SNTG1: variants seen among roughly 807,000 people sequenced by gnomAD.
SNTG1 encodes syntrophin gamma 1.
In SNTG1, 39 loss-of-function variants were observed where a neutral mutation model predicts 74.7. The observed-to-expected ratio is 0.52, with a 90% confidence interval of 0.40 to 0.68. SNTG1 has a LOEUF of 0.68. SNTG1 is among the 30% of genes least tolerant of loss of function. The pLI, the probability that SNTG1 is intolerant of heterozygous loss-of-function variation, is 0.00. For missense variants in SNTG1, 685 were observed against 609.5 expected (o/e 1.12, Z -1.30); for synonymous variants, 254 against 217.1 (o/e 1.17, Z -1.49).
At chr8:50,063,180 G>A (rs1353902627) in intron 1 of SNTG1, among the ~76,000 whole-genome samples, 1 of 152,184 alleles carries the variant, frequency 6.6e-6, no homozygotes, top group African/African-American at 2.4e-5. Flanking sequence ...CGTAATCTCA[G>A]ATATCCAATT....
chr8:50,189,706 T>G (rs2083498579), intron 2 of SNTG1, among the ~76,000 whole-genome samples: 1 of 152,202 alleles, frequency 6.6e-6, no homozygotes, highest in Admixed American at 6.5e-5. Flanking sequence ...GTCTAGGTGC[T>G]GCATGGCATT....
At chr8:49,941,531 T>TTA (rs34245758) in intron 1 of SNTG1, among the ~76,000 whole-genome samples, 2,132 of 146,930 alleles carry the variant, frequency 0.015, 35 homozygotes, top group East Asian at 0.042. Context: ...ACATTAACTT[T>TTA]TATATATATA....
At chr8:50,230,088 A>G (rs1240593147) in intron 2 of SNTG1, among the ~76,000 whole-genome samples, 1 of 151,526 alleles carries the variant, frequency 6.6e-6, no homozygotes, top group Non-Finnish European at 1.5e-5. Context: ...TGCAATGTCT[A>G]GAGGGTGATT....
chr8:50,209,775 C>A (rs963347487), intron 2 of SNTG1, among the ~76,000 whole-genome samples: 1 of 152,188 alleles, frequency 6.6e-6, no homozygotes, highest in South Asian at 2.1e-4. Context: ...GGGGAGAAAC[C>A]AGAGCAGAGA....
intron 1 of SNTG1, among the ~76,000 whole-genome samples, chr8:50,143,862 A>G (rs78395260): frequency 0.017 from 2,558 of 152,286 alleles, 66 homozygotes; most frequent in African/African-American, 0.052. Flanking sequence ...ATACAGCTAC[A>G]CTCTGCTGCT....
intron 2 of SNTG1, among the ~76,000 whole-genome samples, chr8:50,214,511 CTGGAT>C (rs1220493624): frequency 6.6e-6 from 1 of 151,996 alleles, no homozygotes; most frequent in Non-Finnish European, 1.5e-5. Flanking sequence ...CCACTTTGGA[CTGGAT>C]GATACAACAG....
rs539223085 is a variant in SNTG1 at position 50,557,826 on chromosome 8, T to G, written c.810+4647T>G. Among the ~76,000 whole-genome samples the G allele has an allele frequency of 9.8e-5, 15 of 152,326 alleles. No homozygotes were observed. In the South Asian group the frequency reaches 2.9e-3, roughly 29 times the overall value. ...GAACAACATGATTAGATTTAGACAG[T>G]TCTGTCTGATTTTTGTGCAATGTCT... On this transcript the variant is annotated intron_variant, in intron 12 of 18. Coordinates refer to ENST00000642720, the MANE Select transcript of SNTG1 (RefSeq NM_018967.5).
chr8:50,282,965 A>G (rs972818488), intron 2 of SNTG1, among the ~76,000 whole-genome samples: 1 of 152,204 alleles, frequency 6.6e-6, no homozygotes, highest in Non-Finnish European at 1.5e-5. Context: ...AGTATTCACT[A>G]AGAGTTTCTA....
At chr8:49,945,041 A>AT (rs1456462929) in intron 1 of SNTG1, among the ~76,000 whole-genome samples, 2 of 152,132 alleles carry the variant, frequency 1.3e-5, no homozygotes. Context: ...CTAACTACTG[A>AT]TTTTTTAATG....
intron 2 of SNTG1, among the ~76,000 whole-genome samples, chr8:50,214,136 T>C (rs1333387988): frequency 6.6e-6 from 1 of 151,402 alleles, no homozygotes. Flanking sequence ...GAAATCATCA[T>C]TCTCAGTAAA....
intron 9 of SNTG1, among the ~76,000 whole-genome samples, chr8:50,504,829 G>T (rs2093992982): frequency 6.6e-6 from 1 of 152,070 alleles, no homozygotes; most frequent in Non-Finnish European, 1.5e-5. Context: ...AAGTGAGCAT[G>T]TTATTTATTG....
intron 18 of SNTG1, among the ~76,000 whole-genome samples, chr8:50,782,778 G>T (rs992081635): frequency 1.3e-5 from 2 of 152,126 alleles, no homozygotes; most frequent in African/African-American, 2.4e-5. Flanking sequence ...GAAGAGAGGT[G>T]CTCCGGTTTT....
intron 1 of SNTG1, among the ~76,000 whole-genome samples, chr8:50,070,172 G>T (rs1821242138): frequency 6.6e-6 from 1 of 152,072 alleles, no homozygotes; most frequent in South Asian, 2.1e-4. Context: ...TTGAGAAGAA[G>T]AACATGTTCA....
intron 8 of SNTG1, among the ~76,000 whole-genome samples, chr8:50,496,946 G>C (rs1181926135): frequency 6.8e-6 from 1 of 147,882 alleles, no homozygotes; most frequent in Non-Finnish European, 1.5e-5. Flanking sequence ...GTATCAGTCT[G>C]ATATAATATG....
In SNTG1 at chr8:50,101,373, C is replaced by A. The variant is rs372292684; in HGVS notation, c.-102-71188C>A. Reference sequence around the variant, plus strand: ...ATCTCCAAACTACTTTCCACAGAGGCTGAACTAATTTGCATTCCCACCAGC... The same window carrying A: ...ATCTCCAAACTACTTTCCACAGAGGATGAACTAATTTGCATTCCCACCAGC... On this transcript the variant is annotated intron_variant, in intron 1 of 18. Transcript: ENST00000642720. Among the ~76,000 whole-genome samples the A allele has an allele frequency of 3.0e-4, 45 of 152,198 alleles. 1 individual carries two copies. The East Asian group carries it at 7.9e-3, about 27-fold the overall frequency.
chr8:50,432,338 C>CT lies in SNTG1; in HGVS notation c.163-6195dup, dbSNP rs199626412. ...TTAGTTGATTCTACTTTTTTGTTTC[C>CT]TTTTTTTTTTGGCCACCTGTTCTGT... is the stretch of plus-strand genomic sequence containing the variant. On this transcript the variant is annotated intron_variant, in intron 4 of 18. Coordinates refer to ENST00000642720, the MANE Select transcript of SNTG1 (RefSeq NM_018967.5). Among the ~76,000 whole-genome samples, 961 of 146,322 alleles carry CT rather than the reference C, an allele frequency of 6.6e-3. 13 individuals are homozygous for CT. Among genetic ancestry groups the CT allele is most frequent in the Admixed American group, 9.8e-3 (143 of 14,564 alleles).
chr8:50,758,387 G>A (rs1030011711), intron 18 of SNTG1, among the ~76,000 whole-genome samples: 5 of 151,802 alleles, frequency 3.3e-5, no homozygotes, highest in South Asian at 4.1e-4. Flanking sequence ...TTGTTATATA[G>A]GTATACACGT....
chr8:50,633,049 T>C (rs1301980099), intron 13 of SNTG1, among the ~76,000 whole-genome samples: 1 of 152,226 alleles, frequency 6.6e-6, no homozygotes, highest in East Asian at 1.9e-4. Flanking sequence ...GATGAGGGCC[T>C]CATTAATCAT....
At chr8:50,348,151 G>A (rs2091537605) in intron 2 of SNTG1, among the ~76,000 whole-genome samples, 2 of 152,188 alleles carry the variant, frequency 1.3e-5, no homozygotes, top group Admixed American at 6.5e-5. Context: ...GAGGCAGTGA[G>A]ACTGGAGTCT....
Sources: gnomAD v4.1 joint callset for allele counts (sites outside exome capture counted in the v4.1 genomes callset) on GRCh38, gnomAD v4.1.1 for gene constraint, MANE v1.5 for transcripts, NCBI Gene and HGNC (gene_info 2026-07-23, HGNC 2026-07-21) for gene names.